The following EML5 variants were observed in gnomAD, a reference collection of about 807,000 sequenced individuals.
The protein encoded by EML5 is echinoderm microtubule-associated protein-like 5.
In EML5, 120 loss-of-function variants were observed where a neutral mutation model predicts 250.0. The observed-to-expected ratio is 0.48, with a 90% CI of 0.41 to 0.56. The LOEUF is 0.56. Ranked by LOEUF, EML5 falls within the 20% of genes least tolerant of loss-of-function variation. EML5 has a pLI of 0.00. For synonymous variants in EML5, 771 were observed against 806.5 expected (o/e 0.96, Z 0.75); for missense variants, 2,006 against 2,437.6 (o/e 0.82, Z 3.73).
chr14:88,702,375 A>G, intron 14 of EML5, 71 bp downstream of exon 14: 1 of 1,167,702 alleles, frequency 8.6e-7, no homozygotes, highest in East Asian at 2.6e-5. Context: ...TAAAAGAGAT[A>G]TGTGATTAAT....
chr14:88,695,323 T>C lies in EML5; in HGVS notation c.2438+38A>G, dbSNP rs769297883. On this transcript the variant is annotated intron_variant, in intron 16 of 43. Transcript: ENST00000554922. ...AATTTTTTTAAGTCCAAAGTAATTC[T>C]AGTATTTTGCAAATGTGATATCAAG... The C allele has an allele frequency of 4.6e-6, 7 of 1,533,564 alleles. No homozygotes were observed. In the South Asian group the frequency reaches 7.5e-5, roughly 16 times the overall value. 95.0% of individuals were successfully genotyped at this position (1,533,564 alleles called of 1,614,324 possible).
intron 14 of EML5, among the ~76,000 whole-genome samples, chr14:88,697,339 A>G (rs2093102169): frequency 6.6e-6 from 1 of 152,220 alleles, no homozygotes; most frequent in Non-Finnish European, 1.5e-5. Flanking sequence ...ACACCTCTTA[A>G]TAGATGCTTA....
chr14:88,739,094 C>T (rs938950784), intron 5 of EML5, 80 bp from the exon 6 acceptor site: 1 of 1,316,398 alleles, frequency 7.6e-7, no homozygotes, highest in Non-Finnish European at 1.0e-6. Context: ...CCCTTTTAAA[C>T]CAATTTAACA....
chr14:88,672,640 GATC>G (rs1181667338), intron 21 of EML5, among the ~76,000 whole-genome samples: 5 of 151,800 alleles, frequency 3.3e-5, no homozygotes, highest in African/African-American at 1.2e-4. Flanking sequence ...TAATAAAATA[GATC>G]ATTAGCTAGA....
rs748030628 is a variant in EML5, at chr14:88,746,266, T to A, written c.375A>T (p.Gly125=). The change falls in exon 3 of 44, where the codon GGA becomes GGT. Residue 125 remains glycine (G), a synonymous_variant. Coordinates refer to ENST00000554922, the MANE Select transcript of EML5 (RefSeq NM_183387.3). ...DLDGQRLVSV[G]LDSKNAVCVW... The stretch of plus-strand genomic sequence containing the variant: ...CACAAACTGCATTCTTTGAATCAAG[T>A]CCAACTGAAACCAAGCGCTGATTTA... 1.2e-5 allele frequency: 19 copies of A among 1,613,094 alleles called. No individual in the cohort carries two copies. Among genetic ancestry groups the A allele is most frequent in the Non-Finnish European group, 8.5e-7 (1 of 1,179,516 alleles).
At chr14:88,726,983 C>A (rs1186024457) in intron 7 of EML5, among the ~76,000 whole-genome samples, 1 of 152,174 alleles carries the variant, frequency 6.6e-6, no homozygotes, top group African/African-American at 2.4e-5. Flanking sequence ...ATCCTCTAGC[C>A]TCAGCCTCAT....
chr14:88,697,018 A>G, intron 14 of EML5, 66 bp from the exon 15 acceptor site: 1 of 1,051,712 alleles, frequency 9.5e-7, no homozygotes, highest in South Asian at 2.4e-5. Context: ...TACTAAAAGG[A>G]AATAAAACAA....
intron 1 of EML5, among the ~76,000 whole-genome samples, chr14:88,756,936 T>A (rs1006357957): frequency 6.6e-6 from 1 of 152,180 alleles, no homozygotes; most frequent in African/African-American, 2.4e-5. Flanking sequence ...ATAATCCTTG[T>A]CAAAATACTA....
chr14:88,644,137 G>A (rs2091223381), intron 30 of EML5, among the ~76,000 whole-genome samples: 1 of 152,058 alleles, frequency 6.6e-6, no homozygotes. Flanking sequence ...ATACTGCCAA[G>A]GTGTCTGTGC....
rs147477917 is a variant in EML5 at position 88,663,920 on chromosome 14, C to A, written c.3409+573G>T. On this transcript the variant is annotated intron_variant, in intron 23 of 43. Coordinates refer to ENST00000554922, the MANE Select transcript of EML5 (RefSeq NM_183387.3). ...CAATTTTTTTGCACAATATTTAAAT[C>A]ACTTTACAAATTAAACAACTAATCA... Among the ~76,000 whole-genome samples, 198 of 152,178 alleles carry A rather than the reference C, an allele frequency of 1.3e-3. 1 individual carries two copies. Among genetic ancestry groups the A allele is most frequent in the African/African-American group, 4.6e-3 (191 of 41,510 alleles).
chr14:88,615,588 G>A lies in EML5; in HGVS notation c.*230C>T, dbSNP rs575549333. 1.1e-5 allele frequency: 5 copies of A among 464,604 alleles called. No individual in the cohort carries two copies. Among genetic ancestry groups the A allele is most frequent in the African/African-American group, 4.0e-5 (2 of 49,776 alleles). The allele number at this position is 464,604 out of a possible 1,614,324, so 28.8% of individuals were successfully genotyped here. ...ACTTGGCCTTTACCATCAAGTATTC[G>A]ATCCTTCCTTGAAATGGCATTATCT... On this transcript the variant is annotated 3_prime_UTR_variant, in exon 44 of 44. Transcript: ENST00000554922.
intron 12 of EML5, 49 bp downstream of exon 12, chr14:88,705,430 TAAA>T: frequency 2.3e-6 from 3 of 1,315,570 alleles, no homozygotes; most frequent in Non-Finnish European, 3.2e-6. Context: ...GGGAGCAAGA[TAAA>T]GAAGAAATTA....
At chr14:88,691,996 C>A (rs1333381375) in intron 17 of EML5, among the ~76,000 whole-genome samples, 2 of 152,160 alleles carry the variant, frequency 1.3e-5, no homozygotes, top group Non-Finnish European at 2.9e-5. Flanking sequence ...TTTTCCAAGA[C>A]AGAAATACTG....
Position 88,685,066 on chromosome 14 carries a change from A to C in EML5, c.2931T>G (p.Asn977Lys). Reference protein sequence around the residue: ...GHGHILVGTKNGEILEVDKSG... With the variant: ...GHGHILVGTKKGEILEVDKSG... ...TTTTATCCACTTCTAGTATTTCACC[A>C]TTCTTTGTGCCAACTAAAATATGAC... The change falls in exon 20 of 44, where the codon AAT becomes AAG. Residue 977 changes from asparagine (N) to lysine (K), a missense_variant. Asn to Lys is a moderately conservative substitution (Grantham distance 94, BLOSUM62 0). Coordinates refer to ENST00000554922, the MANE Select transcript of EML5 (RefSeq NM_183387.3). 6.2e-7 allele frequency: 1 copy of C among 1,611,910 alleles called. No homozygotes were observed. The highest frequency in any genetic ancestry group is 8.5e-7 in the Non-Finnish European group (1 of 1,178,882).
intron 12 of EML5, among the ~76,000 whole-genome samples, 164 bp downstream of exon 12, chr14:88,705,318 A>T (rs1006851463): frequency 2.0e-5 from 3 of 152,192 alleles, no homozygotes; most frequent in African/African-American, 7.2e-5. Context: ...TATAAAAAAA[A>T]TTTTACACAA....
intron 2 of EML5, among the ~76,000 whole-genome samples, chr14:88,747,411 C>CA (rs1595759830): frequency 6.6e-6 from 1 of 151,630 alleles, no homozygotes; most frequent in East Asian, 2.0e-4. Context: ...GACTCTGTCT[C>CA]AAAAAATAGT....
intron 27 of EML5, among the ~76,000 whole-genome samples, chr14:88,655,315 A>G (rs557849770): frequency 5.3e-5 from 8 of 152,314 alleles, no homozygotes; most frequent in Admixed American, 1.3e-4. Flanking sequence ...GGCCTCAGGA[A>G]TAATGCCACA....
At position 88,750,540 on chromosome 14, in the gene EML5, ATTAT is replaced by A. The variant is rs1431234909; in HGVS notation, c.357+3968_357+3971del. Among the ~76,000 whole-genome samples, 5 of 152,106 alleles carry A rather than the reference ATTAT, an allele frequency of 3.3e-5. No homozygotes were observed. In the East Asian group the frequency reaches 9.6e-4, roughly 29 times the overall value. The stretch of plus-strand genomic sequence containing the variant: ...GATGTTACATAAATGTTTGCATCAT[ATTAT>A]TATTATTACTATTAGTTTACCATAA... On this transcript the variant is annotated intron_variant, in intron 2 of 43. Coordinates refer to ENST00000554922, the MANE Select transcript of EML5 (RefSeq NM_183387.3).
In EML5 at chr14:88,658,482, TA is replaced by T. The variant is rs2140909172; in HGVS notation, c.3676-95del. 8 of 1,037,534 alleles carry T rather than the reference TA, an allele frequency of 7.7e-6. No individual in the cohort carries two copies. In the South Asian group the frequency reaches 1.5e-4, roughly 20 times the overall value. 64.3% of individuals were successfully genotyped at this position (1,037,534 alleles called of 1,614,324 possible). On this transcript the variant is annotated intron_variant, in intron 25 of 43. Transcript: ENST00000554922. ...TTGAATTTTATTAATAATTAAAAAT[TA>T]ATCATTTCAAGTGCAATGTGTTAAA...
Sources: gnomAD v4.1 joint callset for allele counts (sites outside exome capture counted in the v4.1 genomes callset) on GRCh38, gnomAD v4.1.1 for gene constraint, MANE v1.5 for transcripts, NCBI Gene and HGNC (gene_info 2026-07-23, HGNC 2026-07-21) for gene names.